The following IFT74 variants were observed in gnomAD, a reference collection of about 807,000 sequenced individuals.
IFT74 encodes intraflagellar transport protein 74 homolog.
In IFT74, 92 loss-of-function variants were observed where a neutral mutation model predicts 96.7. That is an observed-to-expected ratio of 0.95 (90% CI 0.80 to 1.13). The LOEUF is 1.13. IFT74 is among the 50% of genes most tolerant of loss of function. The pLI is 0.00. For missense variants in IFT74, 811 were observed against 698.2 expected, an observed-to-expected ratio of 1.16 and a Z score of -1.82; for synonymous variants, 223 against 213.2, an observed-to-expected ratio of 1.05 and a Z score of -0.40.
At chr9:26,965,811 G>A (rs1029048971) in intron 2 of IFT74, among the ~76,000 whole-genome samples, 31 of 151,962 alleles carry the variant, frequency 2.0e-4, no homozygotes, top group African/African-American at 7.5e-4. Flanking sequence ...AATCTTTAGT[G>A]TCTGTTATCT....
intron 6 of IFT74, among the ~76,000 whole-genome samples, chr9:26,986,007 T>G (rs1827616284): frequency 6.6e-6 from 1 of 152,220 alleles, no homozygotes; most frequent in Admixed American, 6.5e-5. Flanking sequence ...GCTCAGTCCT[T>G]GGGTGATATT....
intron 8 of IFT74, chr9:26,993,616 C>T (rs979013664): frequency 6.6e-6 from 1 of 152,226 alleles, no homozygotes; most frequent in African/African-American, 2.4e-5. Flanking sequence ...TTATTTTAGC[C>T]TCTTTTTTCT....
chr9:27,051,857 TG>T (rs535306103), intron 16 of IFT74, among the ~76,000 whole-genome samples: 5 of 152,206 alleles, frequency 3.3e-5, no homozygotes, highest in Non-Finnish European at 5.9e-5. Flanking sequence ...TTGTGAATAA[TG>T]CTGCAGTGAA....
intron 8 of IFT74, chr9:26,997,698 T>G: frequency 5.8e-6 from 9 of 1,555,042 alleles, no homozygotes; most frequent in Non-Finnish European, 6.9e-6. Context: ...GTTAATCACA[T>G]TTTGGTTTTG....
chr9:27,035,850 C>G (rs1819155469), intron 13 of IFT74, among the ~76,000 whole-genome samples: 1 of 152,094 alleles, frequency 6.6e-6, no homozygotes, highest in Admixed American at 6.6e-5. Context: ...TGTTTGCATA[C>G]CTGTAATTTA....
chr9:26,975,318 A>G (rs372489010), intron 2 of IFT74, among the ~76,000 whole-genome samples: 1 of 152,122 alleles, frequency 6.6e-6, no homozygotes, highest in South Asian at 2.1e-4. Flanking sequence ...TTGCCTCCAA[A>G]AAAGAGCATA....
intron 1 of IFT74, chr9:26,947,289 AGAGT>A: frequency 1.9e-6 from 1 of 514,430 alleles, no homozygotes; most frequent in Non-Finnish European, 3.4e-6. Flanking sequence ...TCCATGACGC[AGAGT>A]GTGTGCGTCC....
At chr9:27,061,244 A>G (rs938532373) in intron 19 of IFT74, among the ~76,000 whole-genome samples, 1 of 152,160 alleles carries the variant, frequency 6.6e-6, no homozygotes, top group African/African-American at 2.4e-5. Flanking sequence ...CAAAGACTTA[A>G]TGTGGCATAG....
At chr9:26,978,325 G>A in intron 3 of IFT74, 62 bp downstream of exon 3, 1 of 1,530,574 alleles carries the variant, frequency 6.5e-7, no homozygotes, top group Non-Finnish European at 8.8e-7. Context: ...AAATAACTGT[G>A]AACAATTTAA....
At chr9:27,058,705 A>G (rs1298216527) in intron 18 of IFT74, among the ~76,000 whole-genome samples, 1 of 152,216 alleles carries the variant, frequency 6.6e-6, no homozygotes, top group African/African-American at 2.4e-5. Context: ...ACATTTCTAT[A>G]GCATTAGCTA....
chr9:26,998,137 A>G, intron 8 of IFT74: 1 of 1,610,042 alleles, frequency 6.2e-7, no homozygotes, highest in Non-Finnish European at 8.5e-7. Flanking sequence ...TGTCTGTACC[A>G]TTAAGAGTAA....
chr9:26,988,240 C>G (rs1394495225), intron 6 of IFT74, among the ~76,000 whole-genome samples: 1 of 152,202 alleles, frequency 6.6e-6, no homozygotes, highest in East Asian at 1.9e-4. Context: ...GCCTGAGCCA[C>G]CGAGCCCGGC....
intron 13 of IFT74, among the ~76,000 whole-genome samples, chr9:27,029,350 T>C (rs1472707106): frequency 6.6e-6 from 1 of 152,236 alleles, no homozygotes; most frequent in African/African-American, 2.4e-5. Flanking sequence ...TGTTTTTTTT[T>C]TTACAAAAAC....
intron 14 of IFT74, among the ~76,000 whole-genome samples, chr9:27,045,485 A>T (rs1041028162): frequency 5.3e-5 from 8 of 151,944 alleles, no homozygotes; most frequent in Admixed American, 6.6e-5. Flanking sequence ...TACTTATCTC[A>T]TTGTTTATTA....
intron 4 of IFT74, among the ~76,000 whole-genome samples, chr9:26,983,338 A>G (rs1259400538): frequency 6.6e-6 from 1 of 152,210 alleles, no homozygotes; most frequent in Non-Finnish European, 1.5e-5. Flanking sequence ...TTGTGCTTCC[A>G]CATCAAAGAA....
Position 27,062,804 on chromosome 9 carries a change from CAA to C in IFT74, c.*80_*81del, listed in dbSNP as rs774904497. ...GCTAAACTTGGTACAAGTTGACTAC[CAA>C]AAAAAAAAAAAGCTTACTTTTGGAG... On this transcript the variant is annotated 3_prime_UTR_variant, in exon 20 of 20. Coordinates refer to ENST00000380062, the MANE Select transcript of IFT74 (RefSeq NM_025103.4). 1,516 of 612,424 alleles carry C rather than the reference CAA, an allele frequency of 2.5e-3. No individual in the cohort carries two copies. The highest frequency in any genetic ancestry group is 4.5e-3 in the South Asian group (195 of 43,740). The allele number at this position is 612,424 out of a possible 1,614,324, so 37.9% of individuals were successfully genotyped here. A position where few individuals can be genotyped will look rare whatever the true frequency, so the allele number is the denominator to read the frequency against.
intron 12 of IFT74, among the ~76,000 whole-genome samples, chr9:27,021,995 A>C (rs10967668): frequency 0.096 from 14,641 of 152,156 alleles, 1,803 homozygotes; most frequent in East Asian, 0.67. Flanking sequence ...TTCACCTTGA[A>C]TTGATTTTTG....
chr9:27,007,994 T>C (rs1027386792), intron 8 of IFT74, among the ~76,000 whole-genome samples: 9 of 152,352 alleles, frequency 5.9e-5, no homozygotes, highest in Middle Eastern at 3.4e-3. Flanking sequence ...TTTCTTTTGA[T>C]TACGTGATAA....
chr9:27,054,942 T>C (rs547296445), intron 16 of IFT74, among the ~76,000 whole-genome samples: 2 of 152,200 alleles, frequency 1.3e-5, no homozygotes, highest in Non-Finnish European at 2.9e-5. Flanking sequence ...GTGTGATAGG[T>C]AAACTTAATT....
Sources: allele counts gnomAD v4.1 joint callset (sites outside exome capture counted in the v4.1 genomes callset), GRCh38; gene constraint gnomAD v4.1.1; transcripts MANE v1.5; gene names NCBI Gene and HGNC (gene_info 2026-07-23, HGNC 2026-07-21).